The following ANKRD60 variants were observed in gnomAD, a reference collection of about 807,000 sequenced individuals.
ANKRD60 encodes the protein ankyrin repeat domain-containing protein 60.
Under a neutral mutation model 21.3 loss-of-function variants are expected in ANKRD60, and 24 were observed. That is an observed-to-expected ratio of 1.13 (90% CI 0.82 to 1.59). The LOEUF (loss-of-function observed/expected upper bound fraction) is 1.59, where lower values mean the gene tolerates loss of function less well. Ranked by LOEUF, ANKRD60 falls within the 40% of genes most tolerant of loss-of-function variation. The pLI is 0.00. For missense variants in ANKRD60, 490 were observed against 466.7 expected (o/e 1.05, Z -0.46); for synonymous variants, 182 against 199.4 (o/e 0.91, Z 0.74).
At chr20:58,225,174 C>A (rs962606110) in intron 1 of ANKRD60, among the ~76,000 whole-genome samples, 1 of 152,136 alleles carries the variant, frequency 6.6e-6, no homozygotes, top group Admixed American at 6.5e-5. Flanking sequence ...GAGTGATAGC[C>A]CTGTGACATC....
At chr20:58,222,989 T>G in intron 2 of ANKRD60, 63 bp downstream of exon 2, 2 of 1,487,510 alleles carry the variant, frequency 1.3e-6, no homozygotes, top group Non-Finnish European at 1.8e-6. Flanking sequence ...AGACTAATTT[T>G]CCCCCCACAA....
Position 58,228,089 on chromosome 20 carries a change from G to T in ANKRD60, c.430+135C>A. 1.1e-6 allele frequency: 1 copy of T among 876,500 alleles called. No homozygotes were observed. The highest frequency in any genetic ancestry group is 1.7e-6 in the Non-Finnish European group (1 of 584,984). 54.3% of individuals were successfully genotyped at this position (876,500 alleles called of 1,614,324 possible). A position where few individuals can be genotyped will look rare whatever the true frequency, so the allele number is the denominator to read the frequency against. On this transcript the variant is annotated intron_variant, in intron 1 of 3. Transcript: ENST00000457363. This position sits in a 1 kb window ranked among gnomAD's most constrained non-coding sequence, Gnocchi z 5.3. ...AAGTGGCCCTTCCATCTGGGTTTCA[G>T]GGTGGTTGGGTTTCAGGGGTTTGCT...
In ANKRD60 at chr20:58,228,376, A is replaced by T. The variant is rs1464326768; in HGVS notation, c.278T>A (p.Val93Asp). The T allele has an allele frequency of 6.5e-7, 1 of 1,549,396 alleles. No homozygotes were observed. The highest frequency in any genetic ancestry group is 8.7e-7 in the Non-Finnish European group (1 of 1,146,852). The change falls in exon 1 of 4, where the codon GTC becomes GAC. Residue 93 changes from valine (V) to aspartate (D), a missense_variant. Transcript: ENST00000457363. This position sits in a 1 kb window ranked among gnomAD's most constrained non-coding sequence, Gnocchi z 5.3. ...CTCCAGCCGCACCCGCAGGACGAAG[A>T]CGTCAGGGGCCAAGTCGGGCAAGGC...
At chr20:58,219,556 G>A (rs569397099) in intron 3 of ANKRD60, among the ~76,000 whole-genome samples, 8 of 152,266 alleles carry the variant, frequency 5.3e-5, no homozygotes, top group South Asian at 2.1e-4. Flanking sequence ...ATTCCCCACC[G>A]CCTCCTGCAG....
At chr20:58,216,683 A>T (rs1312850122), downstream of ANKRD60, among the ~76,000 whole-genome samples, 8 of 152,254 alleles carry the variant, frequency 5.3e-5, no homozygotes, top group African/African-American at 1.9e-4. Context: ...GTAAAACCAC[A>T]TCATCAACAC....
At chr20:58,221,547 C>A in intron 2 of ANKRD60, 44 bp from the exon 3 acceptor site, 1 of 1,541,806 alleles carries the variant, frequency 6.5e-7, no homozygotes. Flanking sequence ...AAAAGCGTGG[C>A]TACATTTTGC....
chr20:58,223,292 G>T, intron 1 of ANKRD60, 110 bp from the exon 2 acceptor site: 1 of 927,762 alleles, frequency 1.1e-6, no homozygotes. Flanking sequence ...GATAATTTTA[G>T]AAATATCGAA....
At chr20:58,217,062 G>T (rs560460355), downstream of ANKRD60, among the ~76,000 whole-genome samples, 1 of 152,308 alleles carries the variant, frequency 6.6e-6, no homozygotes, top group African/African-American at 2.4e-5. Flanking sequence ...GCAGTCACAT[G>T]GGTGTGCCCC....
rs371842046 is a variant in ANKRD60, at chr20:58,228,280, A to G, written c.374T>C (p.Leu125Pro). Residue 125 changes from leucine to proline, a missense_variant, in exon 1 of 4, where the codon CTG becomes CCG. Coordinates refer to ENST00000457363, the Ensembl canonical transcript of ANKRD60. The surrounding 1 kb of genome is among the most constrained non-coding windows in gnomAD (Gnocchi z 5.3). ...GAAGGGGATGCCGACCATCAGGTCC[A>G]GCTCCTCTTTGAGCTCCCGCACGGT... 6.4e-7 allele frequency: 1 copy of G among 1,551,448 alleles called. No individual in the cohort carries two copies.
At chr20:58,224,079 G>A (rs188301658) in intron 1 of ANKRD60, among the ~76,000 whole-genome samples, 328 of 151,886 alleles carry the variant, frequency 2.2e-3, no homozygotes, top group Non-Finnish European at 3.7e-3. Context: ...TCCAGCCTGG[G>A]CAATAGAGTG....
At chr20:58,221,525 T>G (rs201562986) in intron 2 of ANKRD60, 22 bp from the exon 3 acceptor site, 80 of 1,549,042 alleles carry the variant, frequency 5.2e-5, no homozygotes, top group South Asian at 4.8e-5. Context: ...AAGAGGAGTT[T>G]GAGTTATTCT....
intron 2 of ANKRD60, among the ~76,000 whole-genome samples, chr20:58,222,038 G>T (rs1984266700): frequency 6.6e-6 from 1 of 152,194 alleles, no homozygotes; most frequent in South Asian, 2.1e-4. Context: ...TTCCCCCAGG[G>T]AGGATACTCT....
downstream of ANKRD60, among the ~76,000 whole-genome samples, chr20:58,217,886 C>T (rs1048607737): frequency 6.6e-6 from 1 of 152,196 alleles, no homozygotes; most frequent in Non-Finnish European, 1.5e-5. Flanking sequence ...CTAGCACCAA[C>T]GTGTTACCTT....
chr20:58,226,413 T>G (rs1037969085), intron 1 of ANKRD60, among the ~76,000 whole-genome samples: 3 of 152,108 alleles, frequency 2.0e-5, no homozygotes, highest in Non-Finnish European at 4.4e-5. Context: ...GGGGTCTTCA[T>G]GGTGATAAAA....
intron 1 of ANKRD60, among the ~76,000 whole-genome samples, chr20:58,226,465 C>T (rs555621157): frequency 4.7e-4 from 71 of 151,838 alleles, no homozygotes; most frequent in African/African-American, 1.5e-3. Context: ...AGGGTTTGGT[C>T]TGGAATTTGG....
At chr20:58,222,985 A>G in intron 2 of ANKRD60, 67 bp downstream of exon 2, 1 of 1,483,598 alleles carries the variant, frequency 6.7e-7, no homozygotes, top group Non-Finnish European at 9.0e-7. Context: ...TTAAAGACTA[A>G]TTTTCCCCCC....
At chr20:58,220,378 A>G (rs1287894792) in intron 3 of ANKRD60, among the ~76,000 whole-genome samples, 1 of 152,168 alleles carries the variant, frequency 6.6e-6, no homozygotes, top group Non-Finnish European at 1.5e-5. Context: ...TTTTCCCAAA[A>G]ATATCCCACA....
Position 58,228,365 on chromosome 20 carries a change from G to A in ANKRD60, c.289C>T (p.Arg97Trp), listed in dbSNP as rs767418650. 8.4e-6 allele frequency: 13 copies of A among 1,550,060 alleles called. No homozygotes were observed. In the South Asian group the frequency reaches 1.5e-4, roughly 18 times the overall value. Residue 97 changes from arginine to tryptophan, a missense_variant, in exon 1 of 4, where the codon CGG becomes TGG. Arg to Trp is a moderately radical substitution (Grantham distance 101). Coordinates refer to ENST00000457363, the Ensembl canonical transcript of ANKRD60. The surrounding 1 kb of genome is among the most constrained non-coding windows in gnomAD (Gnocchi z 5.3). ...TCCCCCGTCTCCTCCAGCCGCACCC[G>A]CAGGACGAAGACGTCAGGGGCCAAG...
At chr20:58,223,509 AC>A (rs1984304402) in intron 1 of ANKRD60, among the ~76,000 whole-genome samples, 1 of 152,228 alleles carries the variant, frequency 6.6e-6, no homozygotes, top group African/African-American at 2.4e-5. Context: ...AAATAGAATG[AC>A]TTAAACCTGA....
Sources: allele counts gnomAD v4.1 joint callset (sites outside exome capture counted in the v4.1 genomes callset), GRCh38; gene constraint gnomAD v4.1.1; non-coding constraint Gnocchi (gnomAD v3.1); transcripts MANE v1.5; gene names NCBI Gene and HGNC (gene_info 2026-07-23, HGNC 2026-07-21).